HABP4: variants seen among roughly 807,000 people sequenced by gnomAD.
HABP4 encodes hyaluronan binding protein 4.
HABP4 carries 32 observed loss-of-function variants against 44.1 expected under a neutral mutation model. The observed-to-expected ratio is 0.73, with a 90% CI of 0.55 to 0.97. HABP4 has a LOEUF of 0.97. Ranked by LOEUF, HABP4 falls within the 50% of genes least tolerant of loss-of-function variation. HABP4 has a pLI of 0.00. For missense variants in HABP4, 503 were observed against 561.9 expected (o/e 0.90, Z 1.06); for synonymous variants, 216 against 218.0 (o/e 0.99, Z 0.08).
In HABP4 at chr9:96,450,408, C is replaced by A; in HGVS notation, c.129C>A (p.Arg43=). Residue 43 remains arginine (R), a synonymous_variant, in exon 1 of 8, where the codon CGC becomes CGA. Coordinates refer to ENST00000375249, the MANE Select transcript of HABP4 (RefSeq NM_014282.4). This position sits in a 1 kb window ranked among gnomAD's most constrained non-coding sequence, Gnocchi z 4.8. ...AGTCGGACCCGTTCGACATCCTGCGCGAGGCCGAGCGCCGGCGCCAGCAGC... is the reference window on the plus strand; with the variant it reads ...AGTCGGACCCGTTCGACATCCTGCGAGAGGCCGAGCGCCGGCGCCAGCAGC... ...DDESDPFDIL[R]EAERRRQQQL... The A allele has an allele frequency of 7.7e-7, 1 of 1,294,222 alleles. No individual in the cohort carries two copies. 80.2% of individuals were successfully genotyped at this position (1,294,222 alleles called of 1,614,324 possible).
At chr9:96,465,862 C>T in intron 4 of HABP4, 84 bp downstream of exon 4, 1 of 770,966 alleles carries the variant, frequency 1.3e-6, no homozygotes, top group Non-Finnish European at 2.3e-6. Context: ...ATGATGTCTT[C>T]TGTATTGTGC....
chr9:96,473,392 T>G (rs1564165420), intron 5 of HABP4, among the ~76,000 whole-genome samples: 1 of 152,198 alleles, frequency 6.6e-6, no homozygotes, highest in Admixed American at 6.5e-5. Flanking sequence ...CAAAACCCAG[T>G]CCTTCCCTCT....
intron 2 of HABP4, among the ~76,000 whole-genome samples, chr9:96,462,413 G>A (rs1004753865): frequency 6.6e-6 from 1 of 151,806 alleles, no homozygotes; most frequent in Middle Eastern, 3.4e-3. Flanking sequence ...ATTGTGCCAC[G>A]TCACTCCAGC....
At chr9:96,457,657 T>C (rs1832417402) in intron 1 of HABP4, among the ~76,000 whole-genome samples, 1 of 152,228 alleles carries the variant, frequency 6.6e-6, no homozygotes, top group East Asian at 1.9e-4. Context: ...TGCTTGAAGC[T>C]GGGAGTTCGA....
intron 2 of HABP4, among the ~76,000 whole-genome samples, chr9:96,459,003 T>C (rs1832452353): frequency 6.6e-6 from 1 of 152,242 alleles, no homozygotes; most frequent in East Asian, 1.9e-4. Flanking sequence ...GTGCAATTCA[T>C]GTTACCTTAG....
chr9:96,467,741 G>C (rs1832627196), intron 4 of HABP4, among the ~76,000 whole-genome samples: 1 of 152,024 alleles, frequency 6.6e-6, no homozygotes, highest in South Asian at 2.1e-4. Flanking sequence ...GGCCAGGCTG[G>C]TCTCGAACTC....
chr9:96,475,973 G>T (rs1459170377), intron 5 of HABP4, among the ~76,000 whole-genome samples: 1 of 152,184 alleles, frequency 6.6e-6, no homozygotes, highest in African/African-American at 2.4e-5. Context: ...TACTTTCTTT[G>T]ATTCACTGCA....
chr9:96,477,350 T>C (rs1832798666), intron 5 of HABP4, among the ~76,000 whole-genome samples: 1 of 152,206 alleles, frequency 6.6e-6, no homozygotes, highest in African/African-American at 2.4e-5. Context: ...ATTATACAAA[T>C]TAAGTAGTAT....
At position 96,459,110 on chromosome 9, in the gene HABP4, G is replaced by A. The variant is rs112978571; in HGVS notation, c.512+569G>A. Among the ~76,000 whole-genome samples, 394 of 152,330 alleles carry A rather than the reference G, an allele frequency of 2.6e-3. 3 individuals are homozygous for A. Among genetic ancestry groups the A allele is most frequent in the African/African-American group, 9.2e-3 (384 of 41,576 alleles). On this transcript the variant is annotated intron_variant, in intron 2 of 7. Coordinates refer to ENST00000375249, the MANE Select transcript of HABP4 (RefSeq NM_014282.4). ...AAAAATGAATTGCTTGTTGGTAACT[G>A]AAGAGCACTCTTAAAAAGAAATTAC... is the stretch of plus-strand genomic sequence containing the variant.
intron 5 of HABP4, chr9:96,484,029 T>G (rs1381982856): frequency 1.3e-5 from 2 of 152,988 alleles, no homozygotes; most frequent in African/African-American, 4.8e-5. Context: ...GTCTTTTGTT[T>G]TCTTTTTAAA....
At chr9:96,471,593 G>A (rs1412504096) in intron 5 of HABP4, among the ~76,000 whole-genome samples, 1 of 152,126 alleles carries the variant, frequency 6.6e-6, no homozygotes, top group African/African-American at 2.4e-5. Flanking sequence ...TAATTAATGG[G>A]TGAAAGTTGG....
chr9:96,484,307 G>C lies in HABP4; in HGVS notation c.828-155G>C, dbSNP rs1832932614. The C allele has an allele frequency of 2.0e-5, 11 of 541,820 alleles. No homozygotes were observed. The South Asian group carries it at 3.1e-4, about 15-fold the overall frequency. 33.6% of individuals were successfully genotyped at this position (541,820 alleles called of 1,614,324 possible). A position where few individuals can be genotyped will look rare whatever the true frequency, so the allele number is the denominator to read the frequency against. On this transcript the variant is annotated intron_variant, in intron 5 of 7. Coordinates refer to ENST00000375249, the MANE Select transcript of HABP4 (RefSeq NM_014282.4). ...ACATAAAATGTTGAAAATGAAATAT[G>C]GAAGCTTGTGAGTCAAAGATTTCCT...
intron 1 of HABP4, chr9:96,451,328 A>T (rs1042625950): frequency 1.1e-5 from 2 of 185,622 alleles, no homozygotes; most frequent in African/African-American, 4.8e-5. Flanking sequence ...CCCACTCCCT[A>T]TTTAGCAAGA....
chr9:96,459,862 C>CT (rs1376846626), intron 2 of HABP4, among the ~76,000 whole-genome samples: 2 of 152,200 alleles, frequency 1.3e-5, no homozygotes, highest in Non-Finnish European at 2.9e-5. Context: ...TTGAGATAGT[C>CT]TATCTGCAAC....
chr9:96,478,412 T>G (rs1032655598), intron 5 of HABP4, among the ~76,000 whole-genome samples: 6 of 152,190 alleles, frequency 3.9e-5, no homozygotes, highest in Non-Finnish European at 8.8e-5. Flanking sequence ...ATTACAGGCG[T>G]GAGCCACCGT....
chr9:96,467,611 C>T (rs1429118410), intron 4 of HABP4, among the ~76,000 whole-genome samples: 2 of 150,592 alleles, frequency 1.3e-5, no homozygotes, highest in African/African-American at 2.4e-5. Context: ...CTGCAACTTC[C>T]ACCTCCCAGG....
chr9:96,472,129 C>T lies in HABP4; in HGVS notation c.827+1035C>T, dbSNP rs570074981. Among the ~76,000 whole-genome samples the T allele has an allele frequency of 1.2e-4, 18 of 152,184 alleles. 1 individual carries two copies. The East Asian group carries it at 2.9e-3, about 25-fold the overall frequency. On this transcript the variant is annotated intron_variant, in intron 5 of 7. Coordinates refer to ENST00000375249, the MANE Select transcript of HABP4 (RefSeq NM_014282.4). ...ACCCATGCGCCTTCAACTCTCTGGC[C>T]CTTTGGACCTGCTGCTGTAACTTGC...
chr9:96,489,333 G>C (rs1040084424), intron 7 of HABP4, among the ~76,000 whole-genome samples: 1 of 152,142 alleles, frequency 6.6e-6, no homozygotes, highest in Non-Finnish European at 1.5e-5. Context: ...CTGAGATCCA[G>C]TGCCACCCAC....
chr9:96,468,585 G>C (rs901263789), intron 4 of HABP4, among the ~76,000 whole-genome samples: 1 of 151,984 alleles, frequency 6.6e-6, no homozygotes, highest in African/African-American at 2.4e-5. Flanking sequence ...TAGAGATGCA[G>C]GTCTGCCATG....
Sources: allele counts gnomAD v4.1 joint callset (sites outside exome capture counted in the v4.1 genomes callset), GRCh38; gene constraint gnomAD v4.1.1; non-coding constraint Gnocchi (gnomAD v3.1); transcripts MANE v1.5; gene names NCBI Gene and HGNC (gene_info 2026-07-23, HGNC 2026-07-21).